Variants in PRKN observed in about 807,000 individuals in gnomAD.
PRKN encodes the protein E3 ubiquitin-protein ligase parkin.
In PRKN, 56 loss-of-function variants were observed where a neutral mutation model predicts 59.5. The observed-to-expected ratio is 0.94, with a 90% confidence interval of 0.76 to 1.18. The LOEUF is 1.18. Among genes scored for constraint, PRKN ranks in the 50% most tolerant of loss-of-function variants. PRKN has a pLI of 0.00. For synonymous variants in PRKN, 250 were observed against 222.1 expected, an observed-to-expected ratio of 1.13 and a Z score of -1.12; for missense variants, 657 against 596.4, an observed-to-expected ratio of 1.10 and a Z score of -1.06.
intron 9 of PRKN, among the ~76,000 whole-genome samples, chr6:161,394,945 G>C (rs6905032): frequency 2.0e-5 from 3 of 152,116 alleles, no homozygotes; most frequent in African/African-American, 7.2e-5. Flanking sequence ...ATGTGTATTG[G>C]CCATTTATTT....
rs1780908760 is a variant in PRKN at position 161,973,566 on chromosome 6, A to G, written c.619-149T>C. The G allele has an allele frequency of 7.4e-6, 5 of 678,752 alleles. No homozygotes were observed. The East Asian group carries it at 1.4e-4, about 19-fold the overall frequency. The allele number at this position is 678,752 out of a possible 1,614,324, so 42.0% of individuals were successfully genotyped here. A position where few individuals can be genotyped will look rare whatever the true frequency, so the allele number is the denominator to read the frequency against. On this transcript the variant is annotated intron_variant, in intron 5 of 11. Transcript: ENST00000366898. Reference sequence around the variant, plus strand: ...AATAAATCAGCATCAAACCTTTCCCAGGAACGGATGACCTTGTGCCAAAGT... The same window carrying G: ...AATAAATCAGCATCAAACCTTTCCCGGGAACGGATGACCTTGTGCCAAAGT...
chr6:161,798,797 G>C (rs1790958152), intron 6 of PRKN, among the ~76,000 whole-genome samples: 2 of 152,236 alleles, frequency 1.3e-5, no homozygotes, highest in South Asian at 2.1e-4. Flanking sequence ...TTTCAACTAA[G>C]TCAGCTGATC....
chr6:162,159,853 A>G (rs1782680684), intron 4 of PRKN, among the ~76,000 whole-genome samples: 1 of 152,200 alleles, frequency 6.6e-6, no homozygotes, highest in Non-Finnish European at 1.5e-5. Flanking sequence ...TGGAGAATGG[A>G]CAATATTTTC....
chr6:162,023,790 G>T (rs115071986), intron 5 of PRKN, among the ~76,000 whole-genome samples: 2,405 of 152,124 alleles, frequency 0.016, 66 homozygotes, highest in African/African-American at 0.056. Context: ...CAGGGACCAC[G>T]CCCTCCTTTA....
intron 6 of PRKN, among the ~76,000 whole-genome samples, chr6:161,957,843 T>C (rs538713012): frequency 6.6e-6 from 1 of 152,276 alleles, no homozygotes; most frequent in South Asian, 2.1e-4. Context: ...AGGGGGCAGG[T>C]CCTGAGGAGT....
intron 3 of PRKN, among the ~76,000 whole-genome samples, chr6:162,252,567 C>T (rs1239037601): frequency 6.6e-6 from 1 of 152,194 alleles, no homozygotes; most frequent in Non-Finnish European, 1.5e-5. Flanking sequence ...GAGTATGGAG[C>T]CACCGTGAAT....
intron 4 of PRKN, among the ~76,000 whole-genome samples, chr6:162,196,103 T>C (rs1784484295): frequency 6.6e-6 from 1 of 152,212 alleles, no homozygotes; most frequent in African/African-American, 2.4e-5. Flanking sequence ...ATATGGGCTA[T>C]GGCCAAGACA....
intron 6 of PRKN, among the ~76,000 whole-genome samples, chr6:161,879,690 T>C (rs1794861356): frequency 6.6e-6 from 1 of 152,096 alleles, no homozygotes; most frequent in African/African-American, 2.4e-5. Flanking sequence ...TGTCAAAGGG[T>C]TTATAAAAGA....
chr6:161,665,116 T>C (rs1371154664), intron 7 of PRKN, among the ~76,000 whole-genome samples: 2 of 152,170 alleles, frequency 1.3e-5, no homozygotes, highest in East Asian at 3.8e-4. Context: ...CAAAAGGCTT[T>C]ATTTAAATTA....
chr6:161,866,357 C>T (rs543112846), intron 6 of PRKN, among the ~76,000 whole-genome samples: 22 of 152,154 alleles, frequency 1.4e-4, no homozygotes, highest in African/African-American at 4.8e-4. Flanking sequence ...GGGTGGATCA[C>T]GAGGTCAGGA....
chr6:161,893,069 C>G (rs1777473756), intron 6 of PRKN, among the ~76,000 whole-genome samples: 1 of 152,220 alleles, frequency 6.6e-6, no homozygotes, highest in Non-Finnish European at 1.5e-5. Context: ...TCTTGAACTC[C>G]TGACCTCGTG....
chr6:161,477,246 G>C (rs540728538), intron 9 of PRKN, among the ~76,000 whole-genome samples: 1 of 152,272 alleles, frequency 6.6e-6, no homozygotes, highest in East Asian at 1.9e-4. Flanking sequence ...GGCCAGGCGC[G>C]GTGGCTCACG....
chr6:162,263,007 T>C (rs1779962451), intron 2 of PRKN, among the ~76,000 whole-genome samples: 1 of 152,068 alleles, frequency 6.6e-6, no homozygotes, highest in African/African-American at 2.4e-5. Context: ...GCTGACGTCA[T>C]ATTCAAAAGG....
intron 7 of PRKN, among the ~76,000 whole-genome samples, chr6:161,710,833 CTTCCCCCTTTCCTTCTTCCCTTCCCTT>C (rs1302103767): frequency 1.7e-5 from 2 of 117,742 alleles, no homozygotes; most frequent in Non-Finnish European, 1.8e-5. Context: ...TCCTTCCTTC[CTTCCCCCTTTCCTTCTTCCCTTCCCTT>C]CCCTTTCCTT....
chr6:161,756,639 CT>C lies in PRKN; in HGVS notation c.871+29132del, dbSNP rs535349817. 6.6e-3 allele frequency among the ~76,000 whole-genome samples: 999 copies of C among 150,766 alleles called. 4 individuals are homozygous for C. Among genetic ancestry groups the C allele is most frequent in the Non-Finnish European group, 9.9e-3 (673 of 67,658 alleles). ...TCTTTCTTGCTGTCTTTATGTCTTT[CT>C]TTTTTTTAAATAGAGATTCATGGCC... On this transcript the variant is annotated intron_variant, in intron 7 of 11. Coordinates refer to ENST00000366898, the MANE Select transcript of PRKN (RefSeq NM_004562.3).
chr6:161,707,604 A>C (rs1786558349), intron 7 of PRKN, among the ~76,000 whole-genome samples: 1 of 152,254 alleles, frequency 6.6e-6, no homozygotes, highest in Non-Finnish European at 1.5e-5. Flanking sequence ...TTTAATCAGC[A>C]TAAAAAATTC....
chr6:162,201,363 A>T, intron 3 of PRKN, 111 bp from the exon 4 acceptor site: 1 of 900,998 alleles, frequency 1.1e-6, no homozygotes, highest in Admixed American at 1.8e-5. Flanking sequence ...CTTCAGGAAC[A>T]TTTTGAAACA....
chr6:161,664,701 C>T (rs540429059), intron 7 of PRKN, among the ~76,000 whole-genome samples: 25 of 151,704 alleles, frequency 1.6e-4, no homozygotes, highest in Non-Finnish European at 2.2e-4. Context: ...GATTTTAAAA[C>T]GAGTAAGTTA....
chr6:162,266,010 C>T (rs1399096659), intron 2 of PRKN, among the ~76,000 whole-genome samples: 1 of 152,186 alleles, frequency 6.6e-6, no homozygotes, highest in African/African-American at 2.4e-5. Context: ...AGCCTCTAGC[C>T]TAAGTCGTTT....
Sources: allele counts gnomAD v4.1 joint callset (sites outside exome capture counted in the v4.1 genomes callset), GRCh38; gene constraint gnomAD v4.1.1; transcripts MANE v1.5; gene names NCBI Gene and HGNC (gene_info 2026-07-23, HGNC 2026-07-21).